The following KAZN variants were observed in gnomAD, a reference collection of about 807,000 sequenced individuals.
KAZN encodes kazrin.
Under a neutral mutation model 87.4 loss-of-function variants are expected in KAZN, and 40 were observed. The ratio of observed to expected loss-of-function variants is 0.46; its 90% confidence interval spans 0.36 to 0.60. KAZN has a LOEUF of 0.60. Ranked by LOEUF, KAZN falls within the 20% of genes least tolerant of loss-of-function variation. KAZN has a pLI of 0.00. For missense variants in KAZN, 898 were observed against 1,073.9 expected (o/e 0.84, Z 2.29); for synonymous variants, 466 against 458.3 (o/e 1.02, Z -0.22).
intron 1 of KAZN, among the ~76,000 whole-genome samples, chr1:14,837,841 C>G (rs1308646152): frequency 1.4e-4 from 21 of 152,114 alleles, no homozygotes; most frequent in Admixed American, 1.4e-3. Context: ...AGGCGTGAGC[C>G]ATGGCACCTG....
chr1:14,705,367 A>G (rs1222386476), intron 1 of KAZN, among the ~76,000 whole-genome samples: 1 of 152,240 alleles, frequency 6.6e-6, no homozygotes, highest in East Asian at 1.9e-4. Context: ...GGAGAACAGT[A>G]TGGAGGTTCC....
At chr1:14,290,665 G>A (rs1653613639) in intron 2 of KAZN, among the ~76,000 whole-genome samples, 2 of 152,144 alleles carry the variant, frequency 1.3e-5, no homozygotes, top group Admixed American at 6.5e-5. Context: ...CCGACCTTGT[G>A]AAGCCTACTT....
chr1:14,148,967 G>A (rs1334954375), intron 1 of KAZN, among the ~76,000 whole-genome samples: 1 of 152,122 alleles, frequency 6.6e-6, no homozygotes, highest in Non-Finnish European at 1.5e-5. Flanking sequence ...AAGACTAGCT[G>A]TAGGGTGTTC....
At chr1:14,550,080 C>T (rs1191599952) in intron 2 of KAZN, among the ~76,000 whole-genome samples, 2 of 152,228 alleles carry the variant, frequency 1.3e-5, no homozygotes, top group Non-Finnish European at 2.9e-5. Flanking sequence ...GGTACGCACA[C>T]CTGTTGTGGA....
chr1:14,028,468 T>G (rs916601770), intron 1 of KAZN, among the ~76,000 whole-genome samples: 1 of 152,150 alleles, frequency 6.6e-6, no homozygotes, highest in Admixed American at 6.5e-5. Context: ...CAAAGTGCAT[T>G]TCTATCACAT....
chr1:14,555,728 T>C (rs1673822091), intron 2 of KAZN, among the ~76,000 whole-genome samples: 1 of 152,230 alleles, frequency 6.6e-6, no homozygotes, highest in African/African-American at 2.4e-5. Flanking sequence ...TCTGTTGATT[T>C]CTGTTTGCTA....
intron 2 of KAZN, among the ~76,000 whole-genome samples, chr1:14,482,135 G>T (rs2148393460): frequency 6.6e-6 from 1 of 152,326 alleles, no homozygotes; most frequent in African/African-American, 2.4e-5. Context: ...GGCCAGATAG[G>T]AAGAAGGCCA....
At chr1:14,681,422 T>C (rs1640564123) in intron 1 of KAZN, among the ~76,000 whole-genome samples, 2 of 151,484 alleles carry the variant, frequency 1.3e-5, no homozygotes, top group Non-Finnish European at 2.9e-5. Flanking sequence ...CGTGGGTGAC[T>C]CATTGCAGCC....
chr1:14,790,504 C>G (rs1363422946), intron 1 of KAZN, among the ~76,000 whole-genome samples: 1 of 152,134 alleles, frequency 6.6e-6, no homozygotes, highest in Non-Finnish European at 1.5e-5. Flanking sequence ...AGTATATTAA[C>G]AGAGTTGTGC....
intron 1 of KAZN, among the ~76,000 whole-genome samples, chr1:14,141,070 T>C (rs887319974): frequency 2.0e-5 from 3 of 151,854 alleles, no homozygotes; most frequent in Admixed American, 2.0e-4. Flanking sequence ...TGCCAAAAGC[T>C]TTCCTCCCTG....
intron 2 of KAZN, among the ~76,000 whole-genome samples, chr1:14,566,419 T>G (rs930392282): frequency 2.0e-5 from 3 of 152,236 alleles, no homozygotes; most frequent in Admixed American, 6.5e-5. Flanking sequence ...ATGAGTACAT[T>G]TAGCACAATT....
intron 2 of KAZN, among the ~76,000 whole-genome samples, chr1:14,511,786 G>A (rs1670919078): frequency 6.6e-6 from 1 of 152,084 alleles, no homozygotes; most frequent in Admixed American, 6.5e-5. Flanking sequence ...GTTAACACAG[G>A]AAATGGAAAC....
rs114523605 is a variant in KAZN, at chr1:15,092,037, C to T, written c.1223-2143C>T. ...ATATTGAATTTCAGCAGGGTCATTT[C>T]TAATCAGAGGTTTTGTTTTTTTGTT... On this transcript the variant is annotated intron_variant, in intron 8 of 14. Transcript: ENST00000376030. 5.9e-3 allele frequency among the ~76,000 whole-genome samples: 703 copies of T among 119,462 alleles called. 2 individuals are homozygous for T. The highest frequency in any genetic ancestry group is 9.7e-3 in the Non-Finnish European group (559 of 57,432). The allele number at this position is 119,462 out of a possible 152,430, so 78.4% of individuals were successfully genotyped here.
intron 2 of KAZN, chr1:14,180,617 T>C: frequency 2.0e-6 from 3 of 1,530,720 alleles, no homozygotes; most frequent in Non-Finnish European, 1.8e-6. Flanking sequence ...ACAGAAATTC[T>C]CTATGGAGAA....
chr1:14,173,638 G>C (rs372319918), intron 1 of KAZN, among the ~76,000 whole-genome samples: 2 of 151,288 alleles, frequency 1.3e-5, no homozygotes, highest in East Asian at 4.0e-4. Context: ...TGAAGCAGCT[G>C]GTGGGCTTTG....
At chr1:14,450,610 A>G (rs1667219327) in intron 2 of KAZN, among the ~76,000 whole-genome samples, 1 of 152,078 alleles carries the variant, frequency 6.6e-6, no homozygotes, top group African/African-American at 2.4e-5. Flanking sequence ...ACAAAAAACA[A>G]CAACAGCAAA....
intron 2 of KAZN, among the ~76,000 whole-genome samples, chr1:14,480,700 T>A (rs1017678810): frequency 1.4e-5 from 2 of 145,442 alleles, no homozygotes; most frequent in Non-Finnish European, 3.0e-5. Context: ...AAAATATATA[T>A]TTTTATGTAT....
chr1:14,419,369 C>G (rs1665154766), intron 2 of KAZN, among the ~76,000 whole-genome samples: 2 of 152,224 alleles, frequency 1.3e-5, no homozygotes, highest in South Asian at 4.1e-4. Context: ...CCATCCCCAT[C>G]TATCTCATTG....
intron 2 of KAZN, among the ~76,000 whole-genome samples, chr1:15,027,070 CTTTTTT>C (rs71000358): frequency 1.8e-4 from 10 of 56,122 alleles, no homozygotes; most frequent in South Asian, 1.1e-3. Context: ...GCCAGTGCTT[CTTTTTT>C]TTTTTTTTTT....
Sources: gnomAD v4.1 joint callset for allele counts (sites outside exome capture counted in the v4.1 genomes callset) on GRCh38, gnomAD v4.1.1 for gene constraint, MANE v1.5 for transcripts, NCBI Gene and HGNC (gene_info 2026-07-23, HGNC 2026-07-21) for gene names.